Variants in FRMPD4 observed in about 807,000 individuals in gnomAD.
FRMPD4 encodes the protein FERM and PDZ domain containing 4, also known as FERM and PDZ domain-containing protein 4.
Under a neutral mutation model 94.1 loss-of-function variants are expected in FRMPD4, and 22 were observed. That is an observed-to-expected ratio of 0.23 (90% CI 0.17 to 0.33). FRMPD4 has a LOEUF of 0.33. FRMPD4 is among the 10% of genes least tolerant of loss of function. FRMPD4 has a pLI of 1.00. For synonymous variants in FRMPD4, 631 were observed against 548.6 expected (o/e 1.15, Z -2.10); for missense variants, 1,111 against 1,339.9 (o/e 0.83, Z 2.67).
intron 3 of FRMPD4, among the ~76,000 whole-genome samples, chrX:12,102,471 TTCC>T (rs1413625711): frequency 9.8e-5 from 11 of 111,903 alleles, no homozygotes; most frequent in Non-Finnish European, 1.5e-4. Context: ...TTCTGCTCTG[TTCC>T]TCCTCAGCAT....
At chrX:12,518,471 C>T (rs1569311512) in intron 2 of FRMPD4, among the ~76,000 whole-genome samples, 1 of 112,165 alleles carries the variant, frequency 8.9e-6, no homozygotes, top group Non-Finnish European at 1.9e-5. Context: ...CTGAATTCAA[C>T]AGCACATTAA....
At chrX:11,941,508 T>C (rs1490447935) in intron 3 of FRMPD4, among the ~76,000 whole-genome samples, 1 of 111,985 alleles carries the variant, frequency 8.9e-6, no homozygotes, top group Non-Finnish European at 1.9e-5. Context: ...TTTATATCTG[T>C]AGGTGCTTTG....
intron 3 of FRMPD4, among the ~76,000 whole-genome samples, chrX:12,082,083 C>T (rs2055066637): frequency 9.0e-6 from 1 of 111,316 alleles, no homozygotes; most frequent in Non-Finnish European, 1.9e-5. Context: ...TTTATTGTGT[C>T]TTTGAAAATG....
intron 3 of FRMPD4, among the ~76,000 whole-genome samples, chrX:12,044,608 T>A (rs940910456): frequency 3.6e-5 from 4 of 112,020 alleles, no homozygotes; most frequent in Non-Finnish European, 7.5e-5. Flanking sequence ...TTTTGAATAA[T>A]GAGTGTGGTT....
chrX:12,084,536 A>G (rs1381649314), intron 3 of FRMPD4, among the ~76,000 whole-genome samples: 1 of 112,367 alleles, frequency 8.9e-6, no homozygotes, highest in Non-Finnish European at 1.9e-5. Flanking sequence ...TTCTGATGTT[A>G]GTATTAAGAA....
intron 1 of FRMPD4, among the ~76,000 whole-genome samples, chrX:12,495,977 A>G (rs1432712764): frequency 9.0e-6 from 1 of 111,315 alleles, no homozygotes; most frequent in Admixed American, 9.5e-5. Flanking sequence ...TCCAGGGTAT[A>G]TAAATTCCAT....
In FRMPD4 at chrX:12,071,096, C is replaced by T. The variant is rs768344477; in HGVS notation, c.95+193078C>T. 9.9e-5 allele frequency among the ~76,000 whole-genome samples: 11 copies of T among 111,620 alleles called. No homozygotes were observed. The East Asian group carries it at 2.0e-3, about 20-fold the overall frequency. ...TTACTTGCCCAGAGCCCATAAATAG[C>T]GCCAATAGAATGGGTCTCTGAGTAT... On this transcript the variant is annotated intron_variant, in intron 3 of 18. Coordinates refer to the FRMPD4 transcript ENST00000640291.
intron 2 of FRMPD4, among the ~76,000 whole-genome samples, chrX:12,580,253 T>C (rs2058851414): frequency 9.0e-6 from 1 of 111,633 alleles, no homozygotes; most frequent in African/African-American, 3.3e-5. Context: ...TTTTCTGGCC[T>C]GAAGAACAAG....
At position 12,567,450 on chromosome X, in the gene FRMPD4, A is replaced by C. The variant is rs780725281; in HGVS notation, c.159-42271A>C. Among the ~76,000 whole-genome samples, 5 of 112,583 alleles carry C rather than the reference A, an allele frequency of 4.4e-5. No individual in the cohort carries two copies. The South Asian group carries it at 1.8e-3, about 41-fold the overall frequency. ...ACATGCATTTATCTATTTCTTAAAC[A>C]CTTAGGTGCTACTTTGTGGTAGGTG... is the stretch of plus-strand genomic sequence containing the variant. On this transcript the variant is annotated intron_variant, in intron 2 of 16. Coordinates refer to ENST00000675598, the MANE Select transcript of FRMPD4 (RefSeq NM_001368397.1).
At chrX:12,036,307 C>T (rs926931716) in intron 3 of FRMPD4, among the ~76,000 whole-genome samples, 17 of 111,943 alleles carry the variant, frequency 1.5e-4, no homozygotes, top group African/African-American at 5.2e-4. Flanking sequence ...TCTACAACAA[C>T]ACTGGTGACA....
intron 4 of FRMPD4, among the ~76,000 whole-genome samples, chrX:12,638,885 T>A (rs2059467513): frequency 9.0e-6 from 1 of 111,048 alleles, no homozygotes; most frequent in African/African-American, 3.3e-5. Flanking sequence ...ATGTGCTTGA[T>A]CCTCACCACT....
At chrX:11,913,103 G>T (rs974722360) in intron 3 of FRMPD4, among the ~76,000 whole-genome samples, 6 of 112,138 alleles carry the variant, frequency 5.4e-5, no homozygotes, top group African/African-American at 1.9e-4. Context: ...TGTCTACTTT[G>T]TCTAGCCTGC....
At chrX:12,167,273 A>G (rs2056136788) in intron 1 of FRMPD4, among the ~76,000 whole-genome samples, 1 of 112,014 alleles carries the variant, frequency 8.9e-6, no homozygotes, top group African/African-American at 3.2e-5. Flanking sequence ...GGTTGGTTTC[A>G]AAGAACATCT....
At chrX:12,448,044 T>C (rs1010745217) in intron 1 of FRMPD4, among the ~76,000 whole-genome samples, 9 of 112,135 alleles carry the variant, frequency 8.0e-5, no homozygotes, top group Non-Finnish European at 1.5e-4. Context: ...GTGATATTTG[T>C]AGAATGGTAA....
chrX:12,464,012 C>G (rs1255544659), intron 1 of FRMPD4, among the ~76,000 whole-genome samples: 1 of 110,929 alleles, frequency 9.0e-6, no homozygotes, highest in Non-Finnish European at 1.9e-5. Flanking sequence ...GCTACAATGA[C>G]AGAGTTAAGT....
intron 3 of FRMPD4, among the ~76,000 whole-genome samples, chrX:12,013,343 T>C (rs888802826): frequency 8.9e-6 from 1 of 112,026 alleles, no homozygotes; most frequent in Non-Finnish European, 1.9e-5. Context: ...TTTGTATTCA[T>C]GTCAAGAACA....
At chrX:11,951,059 C>CAAAA (rs35673540) in intron 3 of FRMPD4, among the ~76,000 whole-genome samples, 5 of 32,306 alleles carry the variant, frequency 1.5e-4, no homozygotes, top group African/African-American at 5.1e-4. Flanking sequence ...AACTCCATCT[C>CAAAA]AAAAAAAAAA....
intron 1 of FRMPD4, among the ~76,000 whole-genome samples, chrX:12,191,272 A>G (rs1039845002): frequency 2.7e-5 from 3 of 112,112 alleles, no homozygotes; most frequent in African/African-American, 9.7e-5. Flanking sequence ...GTGGAGCAAC[A>G]GGAACTTTCG....
intron 2 of FRMPD4, among the ~76,000 whole-genome samples, chrX:12,504,065 G>A (rs1021166821): frequency 2.7e-5 from 3 of 112,110 alleles, no homozygotes; most frequent in African/African-American, 6.5e-5. Flanking sequence ...TCAAGCCTAC[G>A]TTTTAATACA....
Sources: gnomAD v4.1 joint callset for allele counts (sites outside exome capture counted in the v4.1 genomes callset) on GRCh38, gnomAD v4.1.1 for gene constraint, MANE v1.5 for transcripts, NCBI Gene and HGNC (gene_info 2026-07-23, HGNC 2026-07-21) for gene names.